The following MRPL46 variants were observed in gnomAD, a reference collection of about 807,000 sequenced individuals.
The protein encoded by MRPL46 is mitochondrial ribosomal protein L46.
MRPL46 carries 26 observed loss-of-function variants against 31.0 expected under a neutral mutation model. That is an observed-to-expected ratio of 0.84 (90% CI 0.61 to 1.16). The LOEUF is 1.16. MRPL46 is among the 50% of genes most tolerant of loss of function. The probability of loss-of-function intolerance (pLI) is 0.00; values close to 1 mark genes in which losing one functional copy is unlikely to be tolerated. For synonymous variants in MRPL46, 159 were observed against 141.3 expected (o/e 1.13, Z -0.89); for missense variants, 395 against 340.0 (o/e 1.16, Z -1.27).
chr15:88,461,603 A>C (rs2055477865), intron 3 of MRPL46: 1 of 152,236 alleles, frequency 6.6e-6, no homozygotes, highest in South Asian at 2.1e-4. Context: ...CTTATGAAGG[A>C]TAAGGAAAAA....
At chr15:88,467,052 G>A in intron 1 of MRPL46, 98 bp downstream of exon 1, 1 of 1,344,430 alleles carries the variant, frequency 7.4e-7, no homozygotes. Context: ...GTACCATTCT[G>A]CGGATAAGTA....
chr15:88,467,366 G>C lies in MRPL46; in HGVS notation c.12C>G (p.Pro4=). 4 of 1,577,254 alleles carry C rather than the reference G, an allele frequency of 2.5e-6. No individual in the cohort carries two copies. In the African/African-American group the frequency reaches 4.1e-5, roughly 16 times the overall value. The change falls in exon 1 of 4, where the codon CCC becomes CCG. Residue 4 remains proline, a synonymous_variant. Coordinates refer to ENST00000312475, the MANE Select transcript of MRPL46 (RefSeq NM_022163.4). ...CCACCCCTAACAGCGTCCGCCTTAC[G>C]GGCGCCGCCATCTTTCGTTCTCCCA... MAA[P]VRRTLLGVAG... is the part of the protein sequence containing the mutation.
chr15:88,460,017 G>T lies in MRPL46; in HGVS notation c.590-154C>A, dbSNP rs548809583. 17 of 931,484 alleles carry T rather than the reference G, an allele frequency of 1.8e-5. No individual in the cohort carries two copies. In the South Asian group the frequency reaches 2.8e-4, roughly 15 times the overall value. 57.7% of individuals were successfully genotyped at this position (931,484 alleles called of 1,614,324 possible). A position where few individuals can be genotyped will look rare whatever the true frequency, so the allele number is the denominator to read the frequency against. On this transcript the variant is annotated intron_variant, in intron 3 of 3. Coordinates refer to ENST00000312475, the MANE Select transcript of MRPL46 (RefSeq NM_022163.4). ...GGACTAGAGCCATTCCTGAAAAGAG[G>T]CTCCTCCCCTCTCAATCCAAATGCC...
Position 88,459,551 on chromosome 15 carries a change from C to T in MRPL46, c.*62G>A. ...TACCTGCAAATGTGAGGCAATCACACAATGTCCTTGAGGCTCTAATCCCAG... is the reference window on the plus strand; with the variant it reads ...TACCTGCAAATGTGAGGCAATCACATAATGTCCTTGAGGCTCTAATCCCAG... On this transcript the variant is annotated 3_prime_UTR_variant, in exon 4 of 4. Transcript: ENST00000312475. The T allele has an allele frequency of 6.3e-7, 1 of 1,598,604 alleles. No individual in the cohort carries two copies. The highest frequency in any genetic ancestry group is 1.1e-5 in the South Asian group (1 of 89,130).
Position 88,464,832 on chromosome 15 carries a change from C to T in MRPL46, c.460G>A (p.Asp154Asn), listed in dbSNP as rs749686160. Residue 154 changes from aspartate to asparagine, a missense_variant, in exon 3 of 4, where the codon GAC (aspartate) becomes AAC (asparagine). Coordinates refer to ENST00000312475, the MANE Select transcript of MRPL46 (RefSeq NM_022163.4). ...CTGACTAACAGGACAAGGTTCCTGTCTAGCTTCCTGTTCAGGGATGTTCGG... is the reference window on the plus strand; with the variant it reads ...CTGACTAACAGGACAAGGTTCCTGTTTAGCTTCCTGTTCAGGGATGTTCGG... ...NDRTSLNRKL[D>N]RNLVLLVREK... The T allele has an allele frequency of 3.1e-6, 5 of 1,614,070 alleles. No homozygotes were observed. In the African/African-American group the frequency reaches 6.7e-5, roughly 22 times the overall value.
In MRPL46 at chr15:88,465,569, G is replaced by A. The variant is rs775402396; in HGVS notation, c.415+18C>T. The A allele has an allele frequency of 6.4e-7, 1 of 1,564,804 alleles. No homozygotes were observed. Among genetic ancestry groups the A allele is most frequent in the East Asian group, 2.3e-5 (1 of 43,464 alleles). ...ACCCCTTTTCCCTTCCTTCTGGCTG[G>A]CCTAAAAGGATCACAACCTGTTATG... On this transcript the variant is annotated intron_variant, in intron 2 of 3. Coordinates refer to ENST00000312475, the MANE Select transcript of MRPL46 (RefSeq NM_022163.4).
intron 3 of MRPL46, chr15:88,460,992 C>T (rs1252479194): frequency 4.6e-5 from 7 of 152,120 alleles, no homozygotes; most frequent in African/African-American, 1.7e-4. Flanking sequence ...CCGCCTACCT[C>T]GGCCTCCCAA....
chr15:88,464,208 C>G (rs1472179491), intron 3 of MRPL46: 2 of 156,358 alleles, frequency 1.3e-5, no homozygotes, highest in Non-Finnish European at 2.8e-5. Flanking sequence ...CGACCCCAAA[C>G]ACCAATAATG....
intron 2 of MRPL46, 89 bp from the exon 3 acceptor site, chr15:88,464,965 A>G (rs1434873684): frequency 1.4e-6 from 2 of 1,459,300 alleles, no homozygotes; most frequent in East Asian, 4.7e-5. Flanking sequence ...TTTAAGATCC[A>G]CAATCCTTGC....
At chr15:88,462,252 G>A (rs2055484434) in intron 3 of MRPL46, 1 of 151,866 alleles carries the variant, frequency 6.6e-6, no homozygotes, top group Non-Finnish European at 1.5e-5. Context: ...ATCTGTGAGT[G>A]GTGGAATTGT....
chr15:88,464,408 C>A, intron 3 of MRPL46: 2 of 347,762 alleles, frequency 5.8e-6, no homozygotes, highest in Non-Finnish European at 1.1e-5. Flanking sequence ...ATAAGCAGTG[C>A]TGCAAAGATA....
intron 3 of MRPL46, chr15:88,464,470 A>G (rs147827443): frequency 4.2e-6 from 2 of 476,506 alleles, no homozygotes; most frequent in African/African-American, 2.0e-5. Context: ...TGAATGTACT[A>G]AATTTTAAAA....
chr15:88,466,988 A>C (rs1465691784), intron 1 of MRPL46, among the ~76,000 whole-genome samples, 162 bp downstream of exon 1: 1 of 152,232 alleles, frequency 6.6e-6, no homozygotes, highest in African/African-American at 2.4e-5. Flanking sequence ...CGGCCAATGA[A>C]AAGAAACCAC....
rs2055461044 is a variant in MRPL46 at position 88,459,831 on chromosome 15, C to A, written c.622G>T (p.Ala208Ser). The change falls in exon 4 of 4, where the codon GCA becomes TCA. Residue 208 changes from alanine (A) to serine (S), a missense_variant. Ala to Ser is a moderately conservative substitution (Grantham distance 99). Transcript: ENST00000312475. ...TTGAATGTGTAGTGCCCACAGGGTG[C>A]ATTTCCTAGGAACTTGGCTTCCATG... ...NNMEAKFLGN[A>S]PCGHYTFKFP... 6.2e-7 allele frequency: 1 copy of A among 1,614,044 alleles called. No individual in the cohort carries two copies. The highest frequency in any genetic ancestry group is 1.3e-5 in the African/African-American group (1 of 74,914).
rs1436005214 is a variant in MRPL46, at chr15:88,467,367, G to A, written c.11C>T (p.Pro4Leu). 3.8e-6 allele frequency: 6 copies of A among 1,576,412 alleles called. No individual in the cohort carries two copies. The highest frequency in any genetic ancestry group is 2.4e-5 in the East Asian group (1 of 42,142). ...CACCCCTAACAGCGTCCGCCTTACG[G>A]GCGCCGCCATCTTTCGTTCTCCCAC... Reference protein sequence around the residue: MAAPVRRTLLGVAG... With the variant: MAALVRRTLLGVAG... The change falls in exon 1 of 4, where the codon CCC (proline) becomes CTC (leucine). Residue 4 changes from proline (P) to leucine (L), a missense_variant. Physicochemically the swap from Pro to Leu is moderately conservative, Grantham distance 98. Transcript: ENST00000312475.
At chr15:88,465,445 A>T in intron 2 of MRPL46, 142 bp downstream of exon 2, 1 of 876,966 alleles carries the variant, frequency 1.1e-6, no homozygotes, top group Non-Finnish European at 1.6e-6. Context: ...AAGTCGTATT[A>T]TGGTAGATGT....
intron 3 of MRPL46, 105 bp from the exon 4 acceptor site, chr15:88,459,968 A>C: frequency 7.1e-7 from 1 of 1,402,990 alleles, no homozygotes; most frequent in Non-Finnish European, 9.7e-7. Context: ...TCTGGCCCTG[A>C]GGTAAAATCA....
At chr15:88,465,205 A>G (rs962814709) in intron 2 of MRPL46, 2 of 410,428 alleles carry the variant, frequency 4.9e-6, no homozygotes, top group African/African-American at 2.1e-5. Flanking sequence ...ACTAGCCCCT[A>G]CTTTCTCTGT....
chr15:88,459,627 C>T lies in MRPL46; in HGVS notation c.826G>A (p.Val276Ile). 6.2e-7 allele frequency: 1 copy of T among 1,614,148 alleles called. No individual in the cohort carries two copies. The highest frequency in any genetic ancestry group is 8.5e-7 in the Non-Finnish European group (1 of 1,180,048). ...PKYLAQVRRFVSDL is the reference protein window; with the variant it reads ...PKYLAQVRRFISDL ...AGCTCGGCCCATCAGAGGTCTGAAA[C>T]AAACCTCCTAACTTGGGCCAGGTAT... The change falls in exon 4 of 4, where the codon GTT (valine) becomes ATT (isoleucine). Residue 276 changes from valine to isoleucine, a missense_variant. By Grantham distance (29) the Val-to-Ile change is conservative. Coordinates refer to ENST00000312475, the MANE Select transcript of MRPL46 (RefSeq NM_022163.4).
Sources: gnomAD v4.1 joint callset for allele counts (sites outside exome capture counted in the v4.1 genomes callset) on GRCh38, gnomAD v4.1.1 for gene constraint, MANE v1.5 for transcripts, NCBI Gene and HGNC (gene_info 2026-07-23, HGNC 2026-07-21) for gene names.